Variants in MINDY2 observed in about 807,000 individuals in gnomAD.
MINDY2 encodes ubiquitin carboxyl-terminal hydrolase MINDY-2.
A neutral mutation model predicts 68.2 loss-of-function variants in MINDY2; 52 were observed. The ratio of observed to expected loss-of-function variants is 0.76; its 90% CI spans 0.61 to 0.96. The LOEUF (loss-of-function observed/expected upper bound fraction) is 0.96, where lower values mean the gene tolerates loss of function less well. Ranked by LOEUF, MINDY2 falls within the 40% of genes least tolerant of loss-of-function variation. The pLI is 0.00. For missense variants in MINDY2, 881 were observed against 773.4 expected (o/e 1.14, Z -1.65); for synonymous variants, 372 against 303.0 (o/e 1.23, Z -2.36).
chr15:58,790,420 G>T (rs1248235165), intron 2 of MINDY2, among the ~76,000 whole-genome samples: 1 of 152,124 alleles, frequency 6.6e-6, no homozygotes, highest in Non-Finnish European at 1.5e-5. Flanking sequence ...TGAGATCAGA[G>T]AGTTGATGCA....
At chr15:58,814,589 G>T (rs1356992697) in intron 4 of MINDY2, among the ~76,000 whole-genome samples, 1 of 145,166 alleles carries the variant, frequency 6.9e-6, no homozygotes, top group Non-Finnish European at 1.5e-5. Context: ...ATATTGCTCA[G>T]GCTGGTCTCG....
Position 58,851,754 on chromosome 15 carries a change from A to T in MINDY2, c.1543-17A>T. 6.5e-7 allele frequency: 1 copy of T among 1,532,948 alleles called. No individual in the cohort carries two copies. The highest frequency in any genetic ancestry group is 8.8e-7 in the Non-Finnish European group (1 of 1,142,526). 95.0% of individuals were successfully genotyped at this position (1,532,948 alleles called of 1,614,324 possible). A position where few individuals can be genotyped will look rare whatever the true frequency, so the allele number is the denominator to read the frequency against. Reference sequence around the variant, plus strand: ...TAAAATCTCATAGCTAATGATGGTTATAATTTAATTTATTAGGATTATCTT... The same window carrying T: ...TAAAATCTCATAGCTAATGATGGTTTTAATTTAATTTATTAGGATTATCTT... On this transcript the variant is annotated splice_polypyrimidine_tract_variant and intron_variant, in intron 7 of 8. Coordinates refer to ENST00000559228, the MANE Select transcript of MINDY2 (RefSeq NM_001040450.3).
At chr15:58,829,669 A>T (rs770218802) in intron 5 of MINDY2, among the ~76,000 whole-genome samples, 1 of 152,212 alleles carries the variant, frequency 6.6e-6, no homozygotes, top group Non-Finnish European at 1.5e-5. Context: ...AGTAATACAG[A>T]TATTACAGAC....
intron 6 of MINDY2, among the ~76,000 whole-genome samples, chr15:58,838,274 C>G (rs942786582): frequency 6.6e-6 from 1 of 151,634 alleles, no homozygotes; most frequent in South Asian, 2.1e-4. Context: ...GGTGTGTGCC[C>G]GTAATGCCAG....
In MINDY2 at chr15:58,860,299, G is replaced by C. The variant is rs990430058; in HGVS notation, c.*5689G>C. 6.6e-6 allele frequency: 1 copy of C among 152,092 alleles called. No homozygotes were observed. Among genetic ancestry groups the C allele is most frequent in the African/African-American group, 2.4e-5 (1 of 41,418 alleles). The allele number at this position is 152,092 out of a possible 1,614,324, so 9.4% of individuals were successfully genotyped here. ...AAAAGTCAGGAAACTGGCCCGGTGCGGTGGCTCATGCCTGTAATCCCAGCA... is the reference window on the plus strand; with the variant it reads ...AAAAGTCAGGAAACTGGCCCGGTGCCGTGGCTCATGCCTGTAATCCCAGCA... On this transcript the variant is annotated 3_prime_UTR_variant, in exon 9 of 9. Coordinates refer to ENST00000559228, the MANE Select transcript of MINDY2 (RefSeq NM_001040450.3).
intron 6 of MINDY2, among the ~76,000 whole-genome samples, chr15:58,840,959 C>T (rs532012242): frequency 9.6e-5 from 14 of 145,190 alleles, no homozygotes; most frequent in East Asian, 2.1e-4. Flanking sequence ...TAAGCCACTG[C>T]GCCTGGCCAA....
At chr15:58,832,627 A>G (rs1356268405) in intron 6 of MINDY2, among the ~76,000 whole-genome samples, 1 of 151,726 alleles carries the variant, frequency 6.6e-6, no homozygotes, top group Admixed American at 6.6e-5. Flanking sequence ...CCTCAGGTTC[A>G]AGCAATTCTA....
intron 7 of MINDY2, 136 bp downstream of exon 7, chr15:58,847,606 G>GT (rs2032600428): frequency 3.1e-6 from 2 of 647,520 alleles, no homozygotes; most frequent in Non-Finnish European, 5.0e-6. Context: ...TTCCTGAATA[G>GT]TTGGTGATCA....
At chr15:58,852,042 T>G in intron 8 of MINDY2, 77 bp downstream of exon 8, 1 of 1,158,432 alleles carries the variant, frequency 8.6e-7, no homozygotes, top group Non-Finnish European at 1.2e-6. Context: ...TTCCCAGCCC[T>G]TTGGGAGGCT....
At position 58,786,812 on chromosome 15, in the gene MINDY2, C is replaced by T. The variant is rs149252936; in HGVS notation, c.841-1094C>T. On this transcript the variant is annotated intron_variant, in intron 1 of 8. Coordinates refer to ENST00000559228, the MANE Select transcript of MINDY2 (RefSeq NM_001040450.3). ...TAACCATAATCTTGATTTTTTATAG[C>T]GTCCGTTTCTTTACTTAGTAATTTA... is the stretch of plus-strand genomic sequence containing the variant. Among the ~76,000 whole-genome samples the T allele has an allele frequency of 5.3e-5, 8 of 152,102 alleles. No individual in the cohort carries two copies. In the East Asian group the frequency reaches 1.5e-3, roughly 29 times the overall value.
At chr15:58,805,148 T>A (rs1226176975) in intron 3 of MINDY2, among the ~76,000 whole-genome samples, 3 of 152,114 alleles carry the variant, frequency 2.0e-5, no homozygotes, top group African/African-American at 7.2e-5. Context: ...CATAAACATA[T>A]CAGGCAAAAA....
At chr15:58,789,553 G>A (rs1328228458) in intron 2 of MINDY2, among the ~76,000 whole-genome samples, 1 of 151,816 alleles carries the variant, frequency 6.6e-6, no homozygotes, top group Admixed American at 6.6e-5. Context: ...ACCTCCCTAG[G>A]CTCAGGTGAT....
chr15:58,840,827 T>TAA (rs2032243831), intron 6 of MINDY2, among the ~76,000 whole-genome samples: 1 of 147,036 alleles, frequency 6.8e-6, no homozygotes, highest in Non-Finnish European at 1.5e-5. Context: ...CAGCTAATTT[T>TAA]TTTTTTTTTT....
chr15:58,784,910 T>C (rs1465566722), intron 1 of MINDY2, among the ~76,000 whole-genome samples: 1 of 151,954 alleles, frequency 6.6e-6, no homozygotes, highest in Admixed American at 6.6e-5. Context: ...GCTGGGACTG[T>C]AGACGTGAGC....
chr15:58,833,713 C>T (rs2031856051), intron 6 of MINDY2, among the ~76,000 whole-genome samples: 1 of 152,078 alleles, frequency 6.6e-6, no homozygotes, highest in South Asian at 2.1e-4. Flanking sequence ...CATCTTCAGC[C>T]CTAAGGCGGT....
At chr15:58,797,842 C>T (rs539673313) in intron 2 of MINDY2, among the ~76,000 whole-genome samples, 74 of 152,176 alleles carry the variant, frequency 4.9e-4, no homozygotes, top group Non-Finnish European at 9.1e-4. Flanking sequence ...GGCAGAGAAC[C>T]GATGAGCAGA....
chr15:58,854,698 G>A lies in MINDY2; in HGVS notation c.*88G>A. The A allele has an allele frequency of 7.0e-7, 1 of 1,424,722 alleles. No individual in the cohort carries two copies. Among genetic ancestry groups the A allele is most frequent in the Non-Finnish European group, 9.3e-7 (1 of 1,072,192 alleles). 88.3% of individuals were successfully genotyped at this position (1,424,722 alleles called of 1,614,324 possible). The stretch of plus-strand genomic sequence containing the variant: ...GAAGAAAAACCGATCAATACCGTCT[G>A]TGCCTGATTTCCTAATGGATTTTGT... On this transcript the variant is annotated 3_prime_UTR_variant, in exon 9 of 9. Transcript: ENST00000559228.
Position 58,851,766 on chromosome 15 carries a change from A to T in MINDY2, c.1543-5A>T, listed in dbSNP as rs761428842. The T allele has an allele frequency of 4.5e-6, 7 of 1,553,598 alleles. No homozygotes were observed. Among genetic ancestry groups the T allele is most frequent in the African/African-American group, 1.4e-5 (1 of 71,492 alleles). On this transcript the variant is annotated splice_region_variant and splice_polypyrimidine_tract_variant and intron_variant, in intron 7 of 8. Transcript: ENST00000559228. Reference sequence around the variant, plus strand: ...GCTAATGATGGTTATAATTTAATTTATTAGGATTATCTTATGGCATTATCT... The same window carrying T: ...GCTAATGATGGTTATAATTTAATTTTTTAGGATTATCTTATGGCATTATCT...
chr15:58,782,837 A>G (rs1316669260), intron 1 of MINDY2, among the ~76,000 whole-genome samples: 1 of 146,494 alleles, frequency 6.8e-6, no homozygotes, highest in Non-Finnish European at 1.5e-5. Flanking sequence ...GCTTCATAGG[A>G]TTGCTGAGGA....
Sources: allele counts gnomAD v4.1 joint callset (sites outside exome capture counted in the v4.1 genomes callset), GRCh38; gene constraint gnomAD v4.1.1; transcripts MANE v1.5; gene names NCBI Gene and HGNC (gene_info 2026-07-23, HGNC 2026-07-21).